Variants in FRMD3 observed in about 807,000 individuals in gnomAD.
The protein encoded by FRMD3 is FERM domain-containing protein 3.
FRMD3 carries 33 observed loss-of-function variants against 70.2 expected under a neutral mutation model. The observed-to-expected ratio is 0.47, with a 90% CI of 0.36 to 0.63. The LOEUF (loss-of-function observed/expected upper bound fraction) is 0.63. FRMD3 is among the 20% of genes least tolerant of loss of function. The probability of loss-of-function intolerance (pLI) is 0.00; values close to 1 mark genes in which losing one functional copy is unlikely to be tolerated. For synonymous variants in FRMD3, 279 were observed against 255.9 expected, an observed-to-expected ratio of 1.09 and a Z score of -0.86; for missense variants, 632 against 711.4, an observed-to-expected ratio of 0.89 and a Z score of 1.27.
At chr9:83,259,447 TC>T (rs1832886127) in intron 13 of FRMD3, among the ~76,000 whole-genome samples, 1 of 152,124 alleles carries the variant, frequency 6.6e-6, no homozygotes, top group South Asian at 2.1e-4. Flanking sequence ...GTTGGGTGGT[TC>T]CCTTGATGCC....
At chr9:83,306,746 C>T (rs971179498) in intron 10 of FRMD3, among the ~76,000 whole-genome samples, 20 of 152,168 alleles carry the variant, frequency 1.3e-4, no homozygotes, top group African/African-American at 4.8e-4. Flanking sequence ...TTCCTACCCT[C>T]AGAGAGTTCA....
chr9:83,362,175 TTC>T (rs67469418), intron 3 of FRMD3, among the ~76,000 whole-genome samples: 27,840 of 146,764 alleles, frequency 0.19, 3,267 homozygotes, highest in East Asian at 0.44. Context: ...ATGCTGTTGG[TTC>T]TCTCTCTCTC....
At chr9:83,396,157 C>A (rs1418710477) in intron 1 of FRMD3, among the ~76,000 whole-genome samples, 1 of 152,150 alleles carries the variant, frequency 6.6e-6, no homozygotes, top group East Asian at 1.9e-4. Flanking sequence ...GTTCTAGGAA[C>A]TCAGTTGGCC....
intron 1 of FRMD3, among the ~76,000 whole-genome samples, chr9:83,403,076 G>A (rs1825998320): frequency 3.3e-5 from 5 of 151,760 alleles, no homozygotes; most frequent in African/African-American, 9.7e-5. Flanking sequence ...GATAATTTTT[G>A]TATTTTTAGT....
chr9:83,488,631 A>G (rs768229417), intron 1 of FRMD3, among the ~76,000 whole-genome samples: 18 of 152,136 alleles, frequency 1.2e-4, no homozygotes, highest in Non-Finnish European at 2.5e-4. Context: ...CACACTCAAA[A>G]TTCACTTTCT....
intron 1 of FRMD3, among the ~76,000 whole-genome samples, chr9:83,422,070 C>T (rs1826661219): frequency 6.6e-6 from 1 of 152,080 alleles, no homozygotes; most frequent in East Asian, 1.9e-4. Context: ...ACTAAAAATA[C>T]AAAATTTAGC....
intron 3 of FRMD3, among the ~76,000 whole-genome samples, chr9:83,369,544 T>C (rs534263105): frequency 1.3e-5 from 2 of 151,780 alleles, no homozygotes; most frequent in East Asian, 1.9e-4. Flanking sequence ...AAGATGGCAC[T>C]GTAGCCTGGA....
the FRMD3 span, among the ~76,000 whole-genome samples, chr9:83,585,431 T>C: frequency 6.6e-6 from 1 of 152,222 alleles, no homozygotes; most frequent in African/African-American, 2.4e-5. Context: ...AGAATCCCGC[T>C]TTTTACCTGG....
rs771351889 is a variant in FRMD3 at position 83,343,237 on chromosome 9, A to G, written c.425T>C (p.Leu142Pro). Residue 142 changes from leucine to proline, a missense_variant, in exon 5 of 14, where the codon CTG becomes CCG. Coordinates refer to ENST00000304195, the MANE Select transcript of FRMD3 (RefSeq NM_174938.6). The part of the protein sequence containing the change: ...IKRDIFHGRL[L>P]CSFSDAAYLG... ...GTAGGCAGCATCAGAAAAGGAGCAC[A>G]GCAGGCGGCCATGAAAAATGTCCCT... 1.2e-6 allele frequency: 2 copies of G among 1,614,152 alleles called. No homozygotes were observed. The highest frequency in any genetic ancestry group is 1.7e-5 in the Admixed American group (1 of 60,026).
chr9:83,243,111 C>G (rs73648518), downstream of FRMD3: 5 of 1,357,916 alleles, frequency 3.7e-6, no homozygotes, highest in African/African-American at 4.3e-5. Flanking sequence ...TGGGGCCCAC[C>G]GAACTTACCC....
intron 1 of FRMD3, among the ~76,000 whole-genome samples, chr9:83,474,094 G>C (rs931149735): frequency 1.3e-5 from 2 of 152,110 alleles, no homozygotes; most frequent in African/African-American, 4.8e-5. Flanking sequence ...CATTATCTAT[G>C]CATATATATA....
chr9:83,411,387 A>C (rs530285875), intron 1 of FRMD3, among the ~76,000 whole-genome samples: 8 of 152,312 alleles, frequency 5.3e-5, no homozygotes, highest in African/African-American at 1.9e-4. Context: ...AGAGAAAAGG[A>C]GGGGAGATTC....
intron 1 of FRMD3, among the ~76,000 whole-genome samples, chr9:83,435,652 C>A (rs56408952): frequency 1.0e-3 from 158 of 151,884 alleles, no homozygotes; most frequent in Non-Finnish European, 1.0e-3. Flanking sequence ...AATGAAAGAA[C>A]CTTTTGTTTT....
chr9:83,553,423 C>T, the FRMD3 span, among the ~76,000 whole-genome samples: 1 of 152,120 alleles, frequency 6.6e-6, no homozygotes, highest in East Asian at 1.9e-4. Context: ...TTCATTTCAA[C>T]CTTGGAAAAT....
At chr9:83,488,971 T>TG (rs1491459292) in intron 1 of FRMD3, among the ~76,000 whole-genome samples, 3 of 134,496 alleles carry the variant, frequency 2.2e-5, no homozygotes, top group East Asian at 4.5e-4. Flanking sequence ...CCCCTATACC[T>TG]TTGTGTGTGT....
intron 1 of FRMD3, among the ~76,000 whole-genome samples, chr9:83,426,817 G>A (rs181361366): frequency 3.3e-5 from 5 of 152,308 alleles, no homozygotes. Context: ...TTACAGGCCT[G>A]AGACACATCA....
the FRMD3 span, among the ~76,000 whole-genome samples, chr9:83,571,931 C>T: frequency 6.6e-6 from 1 of 152,200 alleles, no homozygotes; most frequent in East Asian, 1.9e-4. Context: ...CAATCACCTG[C>T]AGGCTTGTTA....
chr9:83,410,705 G>A (rs1473846591), intron 1 of FRMD3, among the ~76,000 whole-genome samples: 1 of 152,176 alleles, frequency 6.6e-6, no homozygotes, highest in Non-Finnish European at 1.5e-5. Flanking sequence ...TCTGTTTTAA[G>A]TTCTTTAAGA....
At chr9:83,345,294 A>G (rs1398272178) in intron 4 of FRMD3, among the ~76,000 whole-genome samples, 1 of 152,112 alleles carries the variant, frequency 6.6e-6, no homozygotes, top group Admixed American at 6.5e-5. Flanking sequence ...TGGAGTTGCT[A>G]TGCATTCTGT....
Sources: gnomAD v4.1 joint callset for allele counts (sites outside exome capture counted in the v4.1 genomes callset) on GRCh38, gnomAD v4.1.1 for gene constraint, MANE v1.5 for transcripts, NCBI Gene and HGNC (gene_info 2026-07-23, HGNC 2026-07-21) for gene names.